Variants in SH2D1B observed in about 807,000 individuals in gnomAD.
The protein encoded by SH2D1B is SH2 domain-containing protein 1B.
In SH2D1B, 11 loss-of-function variants were observed where a neutral mutation model predicts 16.3. The ratio of observed to expected loss-of-function variants is 0.67; its 90% CI spans 0.42 to 1.11. SH2D1B has a LOEUF of 1.11. Ranked by LOEUF, SH2D1B falls within the 50% of genes most tolerant of loss-of-function variation. SH2D1B has a pLI of 0.00. For synonymous variants in SH2D1B, 55 were observed against 56.1 expected (o/e 0.98, Z 0.09); for missense variants, 123 against 153.1 (o/e 0.80, Z 1.04).
chr1:162,400,293 T>G (rs1648481416), intron 2 of SH2D1B, among the ~76,000 whole-genome samples: 1 of 139,276 alleles, frequency 7.2e-6, no homozygotes, highest in African/African-American at 2.7e-5. Flanking sequence ...GTACTTTTTT[T>G]TTTTTTTTTT....
chr1:162,402,497 G>A (rs1025534781), intron 2 of SH2D1B: 2 of 341,622 alleles, frequency 5.9e-6, no homozygotes, highest in Admixed American at 8.5e-5. Context: ...CAGCCTGGAC[G>A]ACAGAGCGAG....
Position 162,396,980 on chromosome 1 carries a change from C to T in SH2D1B, c.*300G>A, listed in dbSNP as rs1411134061. On this transcript the variant is annotated 3_prime_UTR_variant, in exon 4 of 4. Coordinates refer to ENST00000367929, the MANE Select transcript of SH2D1B (RefSeq NM_053282.5). Reference sequence around the variant, plus strand: ...GACTGCATGGTCCAAAGGAGGGTGTCAACCATGATGTAGGGTGGTACCTTT... The same window carrying T: ...GACTGCATGGTCCAAAGGAGGGTGTTAACCATGATGTAGGGTGGTACCTTT... 2 of 363,406 alleles carry T rather than the reference C, an allele frequency of 5.5e-6. No homozygotes were observed. The highest frequency in any genetic ancestry group is 1.1e-4 in the East Asian group (2 of 17,556). The allele number at this position is 363,406 out of a possible 1,614,324, so 22.5% of individuals were successfully genotyped here. A position where few individuals can be genotyped will look rare whatever the true frequency, so the allele number is the denominator to read the frequency against.
intron 1 of SH2D1B, among the ~76,000 whole-genome samples, chr1:162,405,456 C>T (rs72703854): frequency 0.044 from 6,698 of 152,154 alleles, 250 homozygotes; most frequent in South Asian, 0.1. Context: ...ATATTCATGG[C>T]ATAAAAAGGT....
chr1:162,411,749 A>C (rs982059012), intron 1 of SH2D1B, 134 bp downstream of exon 1: 1 of 1,200,456 alleles, frequency 8.3e-7, no homozygotes, highest in South Asian at 1.4e-5. Flanking sequence ...GGCAGTGTCC[A>C]TTACTTCTCA....
chr1:162,410,302 A>G lies in SH2D1B; in HGVS notation c.134+1581T>C, dbSNP rs555390853. ...ACAGCCACACTGCTCCTTGGCCATAAATTCCCACTTGTCCATGCTGGATTC... is the reference window on the plus strand; with the variant it reads ...ACAGCCACACTGCTCCTTGGCCATAGATTCCCACTTGTCCATGCTGGATTC... On this transcript the variant is annotated intron_variant, in intron 1 of 3. Coordinates refer to ENST00000367929, the MANE Select transcript of SH2D1B (RefSeq NM_053282.5). 7.2e-5 allele frequency among the ~76,000 whole-genome samples: 11 copies of G among 152,274 alleles called. No individual in the cohort carries two copies. The South Asian group carries it at 2.1e-3, about 29-fold the overall frequency.
chr1:162,395,901 A>G lies in SH2D1B; in HGVS notation c.*1379T>C, dbSNP rs1245762297. On this transcript the variant is annotated 3_prime_UTR_variant, in exon 4 of 4. Coordinates refer to ENST00000367929, the MANE Select transcript of SH2D1B (RefSeq NM_053282.5). Reference sequence around the variant, plus strand: ...ATCACAAGAACGTCAGTTCTCTCCTATTTACAAATTTGTTGCAAGTTCATT... The same window carrying G: ...ATCACAAGAACGTCAGTTCTCTCCTGTTTACAAATTTGTTGCAAGTTCATT... 4 of 152,198 alleles carry G rather than the reference A, an allele frequency of 2.6e-5. No individual in the cohort carries two copies. The highest frequency in any genetic ancestry group is 2.1e-4 in the South Asian group (1 of 4,832). The allele number at this position is 152,198 out of a possible 1,614,324, so 9.4% of individuals were successfully genotyped here.
At chr1:162,397,695 C>A (rs953529098) in intron 3 of SH2D1B, among the ~76,000 whole-genome samples, 2 of 152,280 alleles carry the variant, frequency 1.3e-5, no homozygotes, top group South Asian at 2.1e-4. Context: ...ACTGACCCGG[C>A]ATGGAAAACT....
At chr1:162,402,901 C>G in intron 1 of SH2D1B, 99 bp from the exon 2 acceptor site, 3 of 964,714 alleles carry the variant, frequency 3.1e-6, no homozygotes, top group Non-Finnish European at 3.2e-6. Context: ...AATCTACAAT[C>G]CTAAAAAAAC....
In SH2D1B at chr1:162,411,104, C is replaced by T. The variant is rs563680158; in HGVS notation, c.134+779G>A. Among the ~76,000 whole-genome samples, 8 of 151,956 alleles carry T rather than the reference C, an allele frequency of 5.3e-5. No homozygotes were observed. In the East Asian group the frequency reaches 1.2e-3, roughly 22 times the overall value. On this transcript the variant is annotated intron_variant, in intron 1 of 3. Transcript: ENST00000367929. ...TCAAGTAGCCAGTATTACAGGCACA[C>T]GCCACCACACCAGGTTAATTTTTGT... is the stretch of plus-strand genomic sequence containing the variant.
At chr1:162,399,390 G>A (rs1466095167) in intron 2 of SH2D1B, among the ~76,000 whole-genome samples, 1 of 152,142 alleles carries the variant, frequency 6.6e-6, no homozygotes, top group Non-Finnish European at 1.5e-5. Context: ...CACTGTGAAG[G>A]GTACCCCTGT....
intron 1 of SH2D1B, among the ~76,000 whole-genome samples, chr1:162,408,786 T>C (rs1379722724): frequency 1.3e-5 from 2 of 151,858 alleles, no homozygotes; most frequent in African/African-American, 4.8e-5. Flanking sequence ...CACAGAACAG[T>C]TGAGAATAAA....
chr1:162,405,887 C>T (rs773954050), intron 1 of SH2D1B, among the ~76,000 whole-genome samples: 3 of 152,216 alleles, frequency 2.0e-5, no homozygotes, highest in South Asian at 4.1e-4. Context: ...CCTTGCTCAA[C>T]GCATGAACAG....
chr1:162,405,451 C>G (rs1648632128), intron 1 of SH2D1B, among the ~76,000 whole-genome samples: 2 of 152,158 alleles, frequency 1.3e-5, no homozygotes, highest in Admixed American at 1.3e-4. Context: ...AAGACATATT[C>G]ATGGCATAAA....
Position 162,412,063 on chromosome 1 carries a change from C to G in SH2D1B, c.-47G>C, listed in dbSNP as rs772431457. 2 of 1,611,408 alleles carry G rather than the reference C, an allele frequency of 1.2e-6. No homozygotes were observed. The highest frequency in any genetic ancestry group is 1.1e-5 in the South Asian group (1 of 91,026). On this transcript the variant is annotated 5_prime_UTR_variant, in exon 1 of 4. Transcript: ENST00000367929. ...GGAAGCCCTGTTGGCCTGAAATTCA[C>G]CCCCAAGTCAAGGGACAGCTCTGAG...
At position 162,398,971 on chromosome 1, in the gene SH2D1B, GC is replaced by G. The variant is rs747735002; in HGVS notation, c.314del (p.Ser105ThrfsTer4). The G allele has an allele frequency of 5.0e-6, 8 of 1,613,968 alleles. No individual in the cohort carries two copies. In the African/African-American group the frequency reaches 1.1e-4, roughly 22 times the overall value. ...VHLLKPIKRT[S>X]PSLRWRGLKL... The stretch of plus-strand genomic sequence containing the variant: ...TCAATCCTCTCCATCTCAAGCTGGG[GC>G]TGGTTCTCTTTATTGGCTTTAAAAG... On this transcript the variant is annotated frameshift_variant, in exon 3 of 4. Transcript: ENST00000367929. LOFTEE classifies it low-confidence loss of function (END_TRUNC).
At chr1:162,403,230 C>T (rs562444434) in intron 1 of SH2D1B, among the ~76,000 whole-genome samples, 9 of 152,078 alleles carry the variant, frequency 5.9e-5, no homozygotes, top group South Asian at 2.1e-4. Context: ...GTGGCTCACG[C>T]CTGTAATCCC....
chr1:162,403,863 C>T (rs1648589374), intron 1 of SH2D1B, among the ~76,000 whole-genome samples: 1 of 151,824 alleles, frequency 6.6e-6, no homozygotes, highest in African/African-American at 2.4e-5. Context: ...ACCACATGGT[C>T]TCACTCATAC....
chr1:162,402,303 G>C (rs960014370), intron 2 of SH2D1B, among the ~76,000 whole-genome samples: 2 of 152,126 alleles, frequency 1.3e-5, no homozygotes, highest in Non-Finnish European at 2.9e-5. Flanking sequence ...ACAAGGTCAG[G>C]AGATCGAGAC....
At chr1:162,400,951 C>T (rs1370322495) in intron 2 of SH2D1B, among the ~76,000 whole-genome samples, 2 of 152,124 alleles carry the variant, frequency 1.3e-5, no homozygotes, top group Admixed American at 1.3e-4. Flanking sequence ...GTCTTACACA[C>T]CCACACACAC....
Sources: gnomAD v4.1 joint callset for allele counts (sites outside exome capture counted in the v4.1 genomes callset) on GRCh38, gnomAD v4.1.1 for gene constraint, MANE v1.5 for transcripts, NCBI Gene and HGNC (gene_info 2026-07-23, HGNC 2026-07-21) for gene names.